Variants in RNF180 observed in about 807,000 individuals in gnomAD.
RNF180 encodes ring finger protein 180.
A neutral mutation model predicts 59.2 loss-of-function variants in RNF180; 38 were observed. That is an observed-to-expected ratio of 0.64 (90% CI 0.50 to 0.84). The LOEUF is 0.84. Among genes scored for constraint, RNF180 ranks in the 40% least tolerant of loss-of-function variants. RNF180 has a pLI of 0.00. For missense variants in RNF180, 705 were observed against 700.9 expected, an observed-to-expected ratio of 1.01 and a Z score of -0.07; for synonymous variants, 262 against 240.3, an observed-to-expected ratio of 1.09 and a Z score of -0.84.
chr5:64,350,276 TA>T (rs1745743339), intron 7 of RNF180, among the ~76,000 whole-genome samples: 1 of 152,188 alleles, frequency 6.6e-6, no homozygotes, highest in Non-Finnish European at 1.5e-5. Context: ...TTTTTTCTTG[TA>T]AATTTGTTTG....
chr5:64,178,184 C>T (rs192473328), intron 1 of RNF180, among the ~76,000 whole-genome samples: 254 of 127,976 alleles, frequency 2.0e-3, no homozygotes, highest in South Asian at 3.0e-3. Context: ...AGCCTGGTGA[C>T]GGAGCTAGAC....
At chr5:64,248,402 A>G (rs1743328723) in intron 5 of RNF180, among the ~76,000 whole-genome samples, 1 of 152,218 alleles carries the variant, frequency 6.6e-6, no homozygotes, top group South Asian at 2.1e-4. Context: ...AACTTGAACA[A>G]ATTTACAAGA....
chr5:64,267,967 G>A, intron 5 of RNF180, among the ~76,000 whole-genome samples: 1 of 152,028 alleles, frequency 6.6e-6, no homozygotes, highest in Non-Finnish European at 1.5e-5. Context: ...TAGAGATTAG[G>A]TAGATAATTA....
intron 5 of RNF180, among the ~76,000 whole-genome samples, chr5:64,306,456 G>C (rs966448822): frequency 6.6e-6 from 1 of 151,310 alleles, no homozygotes; most frequent in African/African-American, 2.4e-5. Context: ...TGAAAAGGGA[G>C]GTAAATTTAA....
chr5:64,277,127 C>T (rs1741761754), intron 5 of RNF180, among the ~76,000 whole-genome samples: 1 of 145,906 alleles, frequency 6.9e-6, no homozygotes, highest in Non-Finnish European at 1.5e-5. Flanking sequence ...GGAGACCGAG[C>T]TTTTAAGGTT....
At position 64,222,199 on chromosome 5, in the gene RNF180, C is replaced by T. The variant is rs1217210779; in HGVS notation, c.1227+4803C>T. ...TTCCCCATGATTAGACTGGGCTTAT[C>T]GGTTGTGTCATGGGTTCCCAAAACT... On this transcript the variant is annotated intron_variant, in intron 5 of 7. Coordinates refer to ENST00000389100, the MANE Select transcript of RNF180 (RefSeq NM_001113561.2). 2.6e-5 allele frequency among the ~76,000 whole-genome samples: 4 copies of T among 152,070 alleles called. No individual in the cohort carries two copies. In the East Asian group the frequency reaches 7.7e-4, roughly 29 times the overall value.
At chr5:64,173,515 A>G (rs1750055114) in intron 1 of RNF180, among the ~76,000 whole-genome samples, 1 of 152,144 alleles carries the variant, frequency 6.6e-6, no homozygotes, top group Admixed American at 6.5e-5. Flanking sequence ...AATATATACA[A>G]TATAGTGTCG....
intron 5 of RNF180, among the ~76,000 whole-genome samples, chr5:64,285,559 A>G (rs1464458106): frequency 6.6e-6 from 1 of 152,064 alleles, no homozygotes. Flanking sequence ...AGTCAGCTGG[A>G]GCTCTCTGAT....
chr5:64,244,463 A>G (rs560152891), intron 5 of RNF180, among the ~76,000 whole-genome samples: 2 of 152,352 alleles, frequency 1.3e-5, no homozygotes, highest in East Asian at 3.9e-4. Context: ...CAATAGCCAA[A>G]TCAATCAAGT....
chr5:64,277,018 C>T (rs192172225), intron 5 of RNF180, among the ~76,000 whole-genome samples: 8 of 151,858 alleles, frequency 5.3e-5, no homozygotes, highest in African/African-American at 1.7e-4. Context: ...TCAGCATGTT[C>T]GCTGTAGCAT....
At chr5:64,241,865 C>A (rs1742830415) in intron 5 of RNF180, among the ~76,000 whole-genome samples, 1 of 152,130 alleles carries the variant, frequency 6.6e-6, no homozygotes, top group South Asian at 2.1e-4. Context: ...GGGAAGTGAG[C>A]ACAAGACTTT....
intron 5 of RNF180, among the ~76,000 whole-genome samples, chr5:64,301,911 C>T (rs1459361863): frequency 6.6e-6 from 1 of 151,472 alleles, no homozygotes; most frequent in Non-Finnish European, 1.5e-5. Flanking sequence ...ATTCTTTTAC[C>T]AGGGAATGAG....
chr5:64,354,735 CATT>C (rs1265529855), intron 7 of RNF180, among the ~76,000 whole-genome samples: 2 of 151,590 alleles, frequency 1.3e-5, no homozygotes, highest in Non-Finnish European at 2.9e-5. Context: ...AAGGATTTTA[CATT>C]ATTACCAAAT....
chr5:64,245,914 A>G (rs1488213748), intron 5 of RNF180, among the ~76,000 whole-genome samples: 1 of 152,206 alleles, frequency 6.6e-6, no homozygotes, highest in East Asian at 1.9e-4. Context: ...CATAACGAAC[A>G]GTCTCTCAGA....
chr5:64,176,496 C>G (rs1340603725), intron 1 of RNF180, among the ~76,000 whole-genome samples: 1 of 152,074 alleles, frequency 6.6e-6, no homozygotes, highest in African/African-American at 2.4e-5. Context: ...AGTCAGCCAT[C>G]TTGATGACAT....
chr5:64,340,453 C>T (rs1457250286), intron 7 of RNF180, among the ~76,000 whole-genome samples: 2 of 152,118 alleles, frequency 1.3e-5, no homozygotes, highest in Non-Finnish European at 2.9e-5. Flanking sequence ...TAAACATGCT[C>T]AGTATAAATC....
intron 5 of RNF180, among the ~76,000 whole-genome samples, chr5:64,235,161 T>C (rs970919030): frequency 6.6e-6 from 1 of 152,116 alleles, no homozygotes; most frequent in African/African-American, 2.4e-5. Context: ...GCCTGCACTG[T>C]AGTCCCAGCT....
At position 64,312,183 on chromosome 5, in the gene RNF180, C is replaced by A. The variant is rs191250571; in HGVS notation, c.1228-13003C>A. 2.6e-5 allele frequency among the ~76,000 whole-genome samples: 4 copies of A among 152,100 alleles called. No homozygotes were observed. In the East Asian group the frequency reaches 7.7e-4, roughly 29 times the overall value. ...TCTGGATTTTTTCAGTGTCTTATACCAACAAATTCCATTTTAATTGTTGAG... is the reference window on the plus strand; with the variant it reads ...TCTGGATTTTTTCAGTGTCTTATACAAACAAATTCCATTTTAATTGTTGAG... On this transcript the variant is annotated intron_variant, in intron 5 of 7. Coordinates refer to ENST00000389100, the MANE Select transcript of RNF180 (RefSeq NM_001113561.2).
At chr5:64,272,679 TGA>T (rs1741481104) in intron 5 of RNF180, among the ~76,000 whole-genome samples, 1 of 151,802 alleles carries the variant, frequency 6.6e-6, no homozygotes. Flanking sequence ...GTAGTCCAAG[TGA>T]GAGAGAGTGG....
Sources: allele counts gnomAD v4.1 joint callset (sites outside exome capture counted in the v4.1 genomes callset), GRCh38; gene constraint gnomAD v4.1.1; transcripts MANE v1.5; gene names NCBI Gene and HGNC (gene_info 2026-07-23, HGNC 2026-07-21).